Variants in MTA3 observed in about 807,000 individuals in gnomAD.
The protein encoded by MTA3 is metastasis associated 1 family member 3, also known as metastasis-associated protein MTA3.
A neutral mutation model predicts 83.5 loss-of-function variants in MTA3; 34 were observed. The ratio of observed to expected loss-of-function variants is 0.41; its 90% CI spans 0.31 to 0.54. MTA3 has a LOEUF of 0.54. MTA3 is among the 20% of genes least tolerant of loss of function. MTA3 has a pLI of 0.33. For synonymous variants in MTA3, 303 were observed against 252.7 expected (o/e 1.20, Z -1.89); for missense variants, 761 against 726.4 (o/e 1.05, Z -0.55).
intron 6 of MTA3, among the ~76,000 whole-genome samples, chr2:42,648,972 C>T (rs575655726): frequency 6.6e-6 from 1 of 152,106 alleles, no homozygotes; most frequent in Non-Finnish European, 1.5e-5. Flanking sequence ...TCTCTTTAAA[C>T]AGGGAATGAT....
At position 42,630,299 on chromosome 2, in the gene MTA3, A is replaced by G. The variant is rs538299566; in HGVS notation, c.318-9874A>G. Among the ~76,000 whole-genome samples, 510 of 152,300 alleles carry G rather than the reference A, an allele frequency of 3.3e-3. 2 individuals are homozygous for G. The highest frequency in any genetic ancestry group is 5.1e-3 in the Non-Finnish European group (350 of 68,020). ...CATTTCTGGCCATAACCTGCATGCA[A>G]TTCTTGTCAACCTTGTGGGGACAGT... is the stretch of plus-strand genomic sequence containing the variant. On this transcript the variant is annotated intron_variant, in intron 4 of 16. Transcript: ENST00000405094.
intron 12 of MTA3, among the ~76,000 whole-genome samples, chr2:42,705,023 C>CGAATGTTTATT (rs1431944089): frequency 6.6e-6 from 1 of 152,048 alleles, no homozygotes; most frequent in Admixed American, 6.6e-5. Context: ...GGGAAGGAAA[C>CGAATGTTTATT]GAATGTTTAT....
upstream of MTA3, chr2:42,568,008 A>G (rs1003695631): frequency 6.6e-6 from 1 of 152,164 alleles, no homozygotes; most frequent in African/African-American, 2.4e-5. Flanking sequence ...GTGGCCTAGG[A>G]AGGGAGTTTT....
intron 2 of MTA3, among the ~76,000 whole-genome samples, chr2:42,528,855 T>G (rs763639199): frequency 6.6e-6 from 1 of 152,234 alleles, no homozygotes; most frequent in Admixed American, 6.5e-5. Flanking sequence ...TGCTGCTGTG[T>G]GGTCAGAGAA....
intron 16 of MTA3, among the ~76,000 whole-genome samples, chr2:42,726,450 A>C (rs1327730141): frequency 1.3e-5 from 2 of 151,542 alleles, no homozygotes; most frequent in African/African-American, 4.9e-5. Context: ...GGTGTGCTGC[A>C]CCCATTAACT....
intron 14 of MTA3, among the ~76,000 whole-genome samples, chr2:42,710,437 G>T (rs1666500912): frequency 6.6e-6 from 1 of 151,164 alleles, no homozygotes. Context: ...TGTAATCCCA[G>T]CTACTCAGGA....
intron 3 of MTA3, among the ~76,000 whole-genome samples, chr2:42,591,747 T>C (rs905920274): frequency 2.6e-5 from 4 of 152,086 alleles, no homozygotes; most frequent in Non-Finnish European, 5.9e-5. Context: ...GCCTTCCAGG[T>C]TCAAGCAATT....
intron 3 of MTA3, among the ~76,000 whole-genome samples, chr2:42,593,792 A>G (rs1195765307): frequency 2.6e-5 from 4 of 152,150 alleles, no homozygotes; most frequent in Admixed American, 2.0e-4. Context: ...CAGCCTGGGC[A>G]ACATAGCAAG....
chr2:42,546,296 G>T lies in MTA3; in HGVS notation c.-140-24141G>T, dbSNP rs532282101. Among the ~76,000 whole-genome samples the T allele has an allele frequency of 3.9e-5, 6 of 152,228 alleles. No homozygotes were observed. In the South Asian group the frequency reaches 1.2e-3, roughly 32 times the overall value. On this transcript the variant is annotated intron_variant, in intron 2 of 17. Transcript: ENST00000405592. Reference sequence around the variant, plus strand: ...ACAAAGGCCCCAGGAGAAATTAGTGGAGGGTGTGGCCTGGCCCCACACTGA... The same window carrying T: ...ACAAAGGCCCCAGGAGAAATTAGTGTAGGGTGTGGCCTGGCCCCACACTGA...
intron 16 of MTA3, among the ~76,000 whole-genome samples, chr2:42,728,152 A>AT (rs1446681241): frequency 1.3e-5 from 2 of 151,990 alleles, no homozygotes; most frequent in Non-Finnish European, 2.9e-5. Flanking sequence ...CATGAGTTCA[A>AT]TTTTTTTAAA....
rs1215394796 is a variant in MTA3 at position 42,617,755 on chromosome 2, A to G, written c.317+8171A>G. Among the ~76,000 whole-genome samples, 5 of 151,554 alleles carry G rather than the reference A, an allele frequency of 3.3e-5. No homozygotes were observed. In the Admixed American group the frequency reaches 3.3e-4, roughly 10 times the overall value. On this transcript the variant is annotated intron_variant, in intron 4 of 16. Coordinates refer to ENST00000405094, the MANE Select transcript of MTA3 (RefSeq NM_001330442.2). ...TGTACCATTTCACTCCAGCCTGGGC[A>G]ACAACAGTGCAACTCTGCCTCTAAA...
intron 9 of MTA3, among the ~76,000 whole-genome samples, chr2:42,692,678 C>T (rs1028396200): frequency 2.0e-5 from 3 of 152,238 alleles, no homozygotes; most frequent in African/African-American, 7.2e-5. Context: ...CCTCCTGCCA[C>T]AGCCTCCCAA....
chr2:42,723,173 G>A, intron 16 of MTA3, 138 bp downstream of exon 16: 1 of 1,060,298 alleles, frequency 9.4e-7, no homozygotes, highest in South Asian at 1.7e-5. Context: ...GGAATAAGGG[G>A]GAATACAGCC....
In MTA3 at chr2:42,691,579, A is replaced by G. The variant is rs974085298; in HGVS notation, c.892-4186A>G. The stretch of plus-strand genomic sequence containing the variant: ...CACAATTACAGTGTTATAATACTCA[A>G]TGTGTTCTTCTGTGTACTTACTATT... On this transcript the variant is annotated intron_variant, in intron 9 of 16. Coordinates refer to ENST00000405094, the MANE Select transcript of MTA3 (RefSeq NM_001330442.2). Among the ~76,000 whole-genome samples, 5 of 152,272 alleles carry G rather than the reference A, an allele frequency of 3.3e-5. 1 individual carries two copies. The highest frequency in any genetic ancestry group is 1.3e-4 in the Admixed American group (2 of 15,290).
chr2:42,645,619 A>AT (rs1688109707), intron 6 of MTA3, among the ~76,000 whole-genome samples: 1 of 152,208 alleles, frequency 6.6e-6, no homozygotes. Context: ...CGTAGATAGA[A>AT]TATCAAACCA....
chr2:42,544,462 A>G (rs1042065040), intron 2 of MTA3, among the ~76,000 whole-genome samples: 94 of 151,380 alleles, frequency 6.2e-4, no homozygotes, highest in Admixed American at 5.8e-3. Context: ...AAAAAAAAAC[A>G]AAAACAAAAA....
chr2:42,503,840 T>C (rs1674505022), intron 2 of MTA3, among the ~76,000 whole-genome samples: 1 of 151,126 alleles, frequency 6.6e-6, no homozygotes, highest in Admixed American at 6.6e-5. Context: ...CAAGCCCCCA[T>C]CATTTAAACA....
chr2:42,579,032 G>A (rs1167150202), intron 2 of MTA3, 75 bp from the exon 3 acceptor site: 22 of 939,928 alleles, frequency 2.3e-5, no homozygotes, highest in Non-Finnish European at 3.5e-5. Context: ...TAATTGTGCT[G>A]TATCTAGTTT....
rs149440519 is a variant in MTA3 at position 42,575,158 on chromosome 2, A to G, written c.97-3949A>G. On this transcript the variant is annotated intron_variant, in intron 2 of 16. Transcript: ENST00000405094. ...CCTTGCTTACTTGGCACAAAGCACA[A>G]TGGGCTTTTGGCTGTTTCTCCCTGC... Among the ~76,000 whole-genome samples the G allele has an allele frequency of 4.3e-3, 648 of 152,262 alleles. 3 individuals are homozygous for G. The highest frequency in any genetic ancestry group is 0.014 in the African/African-American group (578 of 41,568).
Sources: allele counts gnomAD v4.1 joint callset (sites outside exome capture counted in the v4.1 genomes callset), GRCh38; gene constraint gnomAD v4.1.1; transcripts MANE v1.5; gene names NCBI Gene and HGNC (gene_info 2026-07-23, HGNC 2026-07-21).